VWA3A: variants seen among roughly 807,000 people sequenced by gnomAD.
The protein encoded by VWA3A is von Willebrand factor A domain-containing protein 3A.
In VWA3A, 134 loss-of-function variants were observed where a neutral mutation model predicts 160.4. The observed-to-expected ratio is 0.84, with a 90% CI of 0.73 to 0.96. VWA3A has a LOEUF of 0.96. VWA3A is among the 40% of genes least tolerant of loss of function. VWA3A has a pLI of 0.00. For missense variants in VWA3A, 1,310 were observed against 1,447.9 expected (o/e 0.90, Z 1.55); for synonymous variants, 476 against 543.4 (o/e 0.88, Z 1.72).
At chr16:22,123,376 C>A in intron 15 of VWA3A, 1 of 1,412,768 alleles carries the variant, frequency 7.1e-7, no homozygotes. Flanking sequence ...GGCTTCTAAT[C>A]CTCTGGGGAA....
intron 17 of VWA3A, among the ~76,000 whole-genome samples, chr16:22,130,723 C>T (rs1436338952): frequency 6.6e-6 from 1 of 152,114 alleles, no homozygotes; most frequent in Non-Finnish European, 1.5e-5. Context: ...CCCACCTCAG[C>T]CTCCTAAGTA....
At chr16:22,150,114 GAC>G (rs1216637206) in intron 29 of VWA3A, among the ~76,000 whole-genome samples, 183 bp downstream of exon 29, 1 of 152,190 alleles carries the variant, frequency 6.6e-6, no homozygotes, top group Non-Finnish European at 1.5e-5. Flanking sequence ...TATAGATGAA[GAC>G]ACAGGCTGGG....
chr16:22,138,274 G>C, intron 21 of VWA3A, 86 bp from the exon 22 acceptor site: 1 of 1,463,418 alleles, frequency 6.8e-7, no homozygotes. Context: ...AGGTTCCAGT[G>C]GATACAGTCC....
intron 21 of VWA3A, among the ~76,000 whole-genome samples, chr16:22,137,111 A>G (rs1233432761): frequency 1.3e-5 from 2 of 148,972 alleles, no homozygotes; most frequent in South Asian, 2.2e-4. Flanking sequence ...AAGTAAGTAA[A>G]TAAATAAATA....
intron 1 of VWA3A, among the ~76,000 whole-genome samples, 191 bp downstream of exon 1, chr16:22,092,842 C>T (rs926275005): frequency 6.6e-6 from 1 of 152,050 alleles, no homozygotes; most frequent in African/African-American, 2.4e-5. Context: ...GTCTAGGAGA[C>T]AGGCCATGAC....
At chr16:22,149,961 C>T (rs1567227168) in intron 29 of VWA3A, 30 bp downstream of exon 29, 4 of 1,580,354 alleles carry the variant, frequency 2.5e-6, no homozygotes, top group Non-Finnish European at 3.5e-6. Flanking sequence ...CCGACCTTGA[C>T]GCAAAACAAA....
chr16:22,124,221 C>T (rs1159726092), intron 16 of VWA3A, among the ~76,000 whole-genome samples: 4 of 150,332 alleles, frequency 2.7e-5, no homozygotes, highest in Non-Finnish European at 5.9e-5. Flanking sequence ...ATCACACCTC[C>T]TCCCTGGCCA....
chr16:22,107,072 G>A (rs770672929), intron 6 of VWA3A, among the ~76,000 whole-genome samples: 2 of 152,204 alleles, frequency 1.3e-5, no homozygotes, highest in Non-Finnish European at 2.9e-5. Context: ...GATGTTGGGT[G>A]CACAGGTCTG....
At position 22,109,943 on chromosome 16, in the gene VWA3A, G is replaced by C. The variant is rs1177938222; in HGVS notation, c.582+363G>C. ...GAAGAGCTATTCTGGTTTCTTTGGA[G>C]TTATGGTTCCCATTGGATACTCACC... On this transcript the variant is annotated intron_variant, in intron 7 of 33. Transcript: ENST00000389398. Among the ~76,000 whole-genome samples, 3 of 152,212 alleles carry C rather than the reference G, an allele frequency of 2.0e-5. 1 individual carries two copies. The highest frequency in any genetic ancestry group is 1.5e-5 in the Non-Finnish European group (1 of 68,044).
chr16:22,099,779 C>T (rs564435113), intron 3 of VWA3A, among the ~76,000 whole-genome samples: 24 of 152,140 alleles, frequency 1.6e-4, no homozygotes, highest in African/African-American at 5.5e-4. Context: ...GTCTCTAACA[C>T]GGACAAACCA....
At chr16:22,150,976 T>A in intron 30 of VWA3A, 130 bp downstream of exon 30, 2 of 1,170,758 alleles carry the variant, frequency 1.7e-6, no homozygotes, top group African/African-American at 1.6e-5. Context: ...CCTAATCCTG[T>A]AAATCAGAAA....
chr16:22,127,783 G>A (rs2045876955), intron 17 of VWA3A, among the ~76,000 whole-genome samples: 1 of 152,158 alleles, frequency 6.6e-6, no homozygotes, highest in South Asian at 2.1e-4. Context: ...CATCCTCGAG[G>A]AACTCATGGC....
In VWA3A at chr16:22,155,583, C is replaced by T. The variant is rs774731669; in HGVS notation, c.3422C>T (p.Pro1141Leu). Residue 1141 changes from proline (P) to leucine (L), a missense_variant, in exon 32 of 34, where the codon CCA becomes CTA. By Grantham distance (98) the Pro-to-Leu change is moderately conservative (BLOSUM62 -3). Coordinates refer to ENST00000389398, the MANE Select transcript of VWA3A (RefSeq NM_173615.5). ...CTTTTCAAGGATCCCACATTGCCACCATTTGAAGGAGATGATTTAAGGATC... is the reference window on the plus strand; with the variant it reads ...CTTTTCAAGGATCCCACATTGCCACTATTTGAAGGAGATGATTTAAGGATC... ...FINEKDPTLP[P>L]FEGDDLRILA... is the part of the protein sequence containing the mutation. 3 of 1,613,934 alleles carry T rather than the reference C, an allele frequency of 1.9e-6. No homozygotes were observed. Among genetic ancestry groups the T allele is most frequent in the Admixed American group, 1.7e-5 (1 of 60,006 alleles).
intron 12 of VWA3A, among the ~76,000 whole-genome samples, chr16:22,119,551 G>C (rs2045700102): frequency 6.6e-6 from 1 of 152,180 alleles, no homozygotes; most frequent in South Asian, 2.1e-4. Flanking sequence ...TGTGCCTGTA[G>C]TTCCAGCTAC....
intron 31 of VWA3A, 120 bp from the exon 32 acceptor site, chr16:22,155,447 C>G: frequency 1.2e-6 from 1 of 848,104 alleles, no homozygotes; most frequent in South Asian, 1.5e-5. Context: ...CAGAGGCTCA[C>G]AAGATTTCCT....
chr16:22,100,360 GACACATGCA>G (rs1299192209), intron 4 of VWA3A, 42 bp downstream of exon 4: 2 of 1,551,636 alleles, frequency 1.3e-6, no homozygotes, highest in Non-Finnish European at 1.7e-6. Flanking sequence ...CAGCTGCAGT[GACACATGCA>G]ACCCCCTGGG....
chr16:22,093,445 A>G (rs182768372), intron 1 of VWA3A, among the ~76,000 whole-genome samples: 165 of 152,248 alleles, frequency 1.1e-3, no homozygotes, highest in South Asian at 2.5e-3. Flanking sequence ...ATAAGATTTC[A>G]TTTGAGCAAA....
chr16:22,105,076 G>A (rs905234557), intron 6 of VWA3A, among the ~76,000 whole-genome samples: 5 of 152,128 alleles, frequency 3.3e-5, no homozygotes, highest in African/African-American at 9.7e-5. Flanking sequence ...TTGCTTGGAC[G>A]AGTTGAGTCA....
At chr16:22,130,310 G>A (rs1420413245) in intron 17 of VWA3A, among the ~76,000 whole-genome samples, 1 of 152,146 alleles carries the variant, frequency 6.6e-6, no homozygotes, top group African/African-American at 2.4e-5. Flanking sequence ...CACTCATAGA[G>A]TAGCTTCCCA....
Sources: allele counts gnomAD v4.1 joint callset (sites outside exome capture counted in the v4.1 genomes callset), GRCh38; gene constraint gnomAD v4.1.1; transcripts MANE v1.5; gene names NCBI Gene and HGNC (gene_info 2026-07-23, HGNC 2026-07-21).